PALD1: variants seen among roughly 807,000 people sequenced by gnomAD.
PALD1 encodes the protein phosphatase domain containing paladin 1.
Under a neutral mutation model 96.0 loss-of-function variants are expected in PALD1, and 57 were observed. That is an observed-to-expected ratio of 0.59 (90% CI 0.48 to 0.74). The LOEUF is 0.74. Ranked by LOEUF, PALD1 falls within the 30% of genes least tolerant of loss-of-function variation. The probability of loss-of-function intolerance (pLI) is 0.00; values close to 1 mark genes in which losing one functional copy is unlikely to be tolerated. For synonymous variants in PALD1, 464 were observed against 473.6 expected (o/e 0.98, Z 0.26); for missense variants, 1,063 against 1,143.7 (o/e 0.93, Z 1.02).
chr10:70,522,283 T>G (rs1846754968), intron 1 of PALD1, among the ~76,000 whole-genome samples: 1 of 152,128 alleles, frequency 6.6e-6, no homozygotes, highest in Non-Finnish European at 1.5e-5. Flanking sequence ...TAAGGCAAGG[T>G]CAGGCTTCTG....
chr10:70,505,076 A>G (rs1212078341), intron 1 of PALD1, among the ~76,000 whole-genome samples: 1 of 152,252 alleles, frequency 6.6e-6, no homozygotes, highest in Non-Finnish European at 1.5e-5. Context: ...ATGTGGATAC[A>G]TTTCATGTCA....
At chr10:70,527,533 A>G (rs748252671) in intron 2 of PALD1, among the ~76,000 whole-genome samples, 5 of 152,192 alleles carry the variant, frequency 3.3e-5, no homozygotes, top group Non-Finnish European at 7.3e-5. Flanking sequence ...CCTCAATGGC[A>G]GAATTGAGTA....
At chr10:70,527,826 A>G (rs1273985577) in intron 2 of PALD1, among the ~76,000 whole-genome samples, 2 of 152,188 alleles carry the variant, frequency 1.3e-5, no homozygotes, top group Non-Finnish European at 2.9e-5. Flanking sequence ...ACATGTGCAC[A>G]ACGTGCATGT....
At chr10:70,531,684 T>G (rs181404496) in intron 5 of PALD1, among the ~76,000 whole-genome samples, 4 of 152,044 alleles carry the variant, frequency 2.6e-5, no homozygotes, top group African/African-American at 9.7e-5. Context: ...TCCTTGATGC[T>G]CAATGTCCTT....
intron 5 of PALD1, 131 bp from the exon 6 acceptor site, chr10:70,532,490 G>A (rs186538437): frequency 4.0e-5 from 35 of 864,722 alleles, no homozygotes; most frequent in Non-Finnish European, 5.7e-5. Flanking sequence ...TGGCTGTGTA[G>A]TTCCCTCATG....
At chr10:70,500,261 C>T (rs1846268643) in intron 1 of PALD1, among the ~76,000 whole-genome samples, 1 of 152,124 alleles carries the variant, frequency 6.6e-6, no homozygotes, top group African/African-American at 2.4e-5. Flanking sequence ...AGAGCAGTAC[C>T]CACCCTGTTG....
At chr10:70,462,383 G>T in the PALD1 span, among the ~76,000 whole-genome samples, 1 of 152,242 alleles carries the variant, frequency 6.6e-6, no homozygotes, top group African/African-American at 2.4e-5. Flanking sequence ...GGAATACTAC[G>T]TGCCTCATAG....
Position 70,568,107 on chromosome 10 carries a change from CT to C in PALD1, c.*1378del, listed in dbSNP as rs931860657. On this transcript the variant is annotated 3_prime_UTR_variant, in exon 20 of 20. Coordinates refer to ENST00000263563, the MANE Select transcript of PALD1 (RefSeq NM_014431.3). ...AATATTTGACCCCCTTGGCTGAATTCTTTTGCAGAACTACTGTGTGTCTGTT... is the reference window on the plus strand; with the variant it reads ...AATATTTGACCCCCTTGGCTGAATTCTTTGCAGAACTACTGTGTGTCTGTT... 5 of 152,152 alleles carry C rather than the reference CT, an allele frequency of 3.3e-5. No homozygotes were observed. The highest frequency in any genetic ancestry group is 4.8e-5 in the African/African-American group (2 of 41,422). 9.4% of individuals were successfully genotyped at this position (152,152 alleles called of 1,614,324 possible). A position where few individuals can be genotyped will look rare whatever the true frequency, so the allele number is the denominator to read the frequency against.
chr10:70,535,819 A>G (rs1847104581), intron 10 of PALD1, among the ~76,000 whole-genome samples: 1 of 151,492 alleles, frequency 6.6e-6, no homozygotes. Context: ...GTCCACCTCA[A>G]CCTCCTGAGT....
intron 1 of PALD1, among the ~76,000 whole-genome samples, chr10:70,510,711 G>A (rs1263668907): frequency 2.6e-5 from 4 of 152,234 alleles, no homozygotes; most frequent in Non-Finnish European, 5.9e-5. Flanking sequence ...GCTCCCTAGA[G>A]GGAAAAGGAG....
chr10:70,505,655 A>G (rs1461556315), intron 1 of PALD1, among the ~76,000 whole-genome samples: 3 of 151,556 alleles, frequency 2.0e-5, no homozygotes, highest in African/African-American at 7.3e-5. Flanking sequence ...AAAAAAACAA[A>G]TCAGAAACTG....
At chr10:70,496,031 A>G (rs1228226391) in intron 1 of PALD1, among the ~76,000 whole-genome samples, 1 of 151,924 alleles carries the variant, frequency 6.6e-6, no homozygotes, top group African/African-American at 2.4e-5. Flanking sequence ...AACAACAACA[A>G]CAACAACAGC....
chr10:70,501,134 C>G (rs529362261), intron 1 of PALD1, among the ~76,000 whole-genome samples: 16 of 152,264 alleles, frequency 1.1e-4, no homozygotes, highest in Middle Eastern at 3.4e-3. Flanking sequence ...CAGCCTGCTC[C>G]TTTTACTCCT....
rs778096483 is a variant in PALD1, at chr10:70,539,014, C to G, written c.1569+6C>G. 1 of 1,613,558 alleles carries G rather than the reference C, an allele frequency of 6.2e-7. No individual in the cohort carries two copies. The highest frequency in any genetic ancestry group is 2.2e-5 in the East Asian group (1 of 44,870). On this transcript the variant is annotated splice_donor_region_variant and intron_variant, in intron 13 of 19. Transcript: ENST00000263563. This position sits in a 1 kb window ranked among gnomAD's most constrained non-coding sequence, Gnocchi z 4.5. The stretch of plus-strand genomic sequence containing the variant: ...CGGCCCAGCCCAGCGCCAAGGTGAC[C>G]GGCCCTCAGGGCCTGGGTCCCCCAG...
intron 1 of PALD1, among the ~76,000 whole-genome samples, chr10:70,479,330 A>T (rs753799642): frequency 6.6e-6 from 1 of 152,124 alleles, no homozygotes; most frequent in Non-Finnish European, 1.5e-5. Context: ...CCTGGTGACA[A>T]TTCCACTTTT....
At chr10:70,520,685 C>CTTTTTTT (rs10545684) in intron 1 of PALD1, among the ~76,000 whole-genome samples, 34 of 87,656 alleles carry the variant, frequency 3.9e-4, no homozygotes, top group East Asian at 1.3e-3. Context: ...TTCTTTCTTT[C>CTTTTTTT]TTTTTTTTTT....
intron 1 of PALD1, among the ~76,000 whole-genome samples, chr10:70,498,612 GT>G (rs2132287141): frequency 6.7e-6 from 1 of 149,392 alleles, no homozygotes; most frequent in Non-Finnish European, 1.5e-5. Flanking sequence ...GGCTGTAATT[GT>G]TCTTTTGAGC....
intron 19 of PALD1, among the ~76,000 whole-genome samples, chr10:70,564,791 G>A (rs1302334669): frequency 6.6e-6 from 1 of 152,240 alleles, no homozygotes; most frequent in Non-Finnish European, 1.5e-5. Flanking sequence ...AGAGTGGTGA[G>A]GGACAGAGCA....
At chr10:70,460,538 T>C in the PALD1 span, among the ~76,000 whole-genome samples, 5 of 152,176 alleles carry the variant, frequency 3.3e-5, no homozygotes, top group Non-Finnish European at 5.9e-5. Context: ...ATACCAGCCA[T>C]GTGGATCCCA....
Sources: gnomAD v4.1 joint callset for allele counts (sites outside exome capture counted in the v4.1 genomes callset) on GRCh38, gnomAD v4.1.1 for gene constraint, Gnocchi (gnomAD v3.1) non-coding constraint, MANE v1.5 for transcripts, NCBI Gene and HGNC (gene_info 2026-07-23, HGNC 2026-07-21) for gene names.